HS3ST1: variants seen among roughly 807,000 people sequenced by gnomAD.
HS3ST1 encodes the protein heparan sulfate glucosamine 3-O-sulfotransferase 1.
In HS3ST1, 8 loss-of-function variants were observed where a neutral mutation model predicts 20.7. That is an observed-to-expected ratio of 0.39 (90% CI 0.23 to 0.70). The LOEUF is 0.70. HS3ST1 is among the 30% of genes least tolerant of loss of function. The probability of loss-of-function intolerance (pLI) is 0.46; values close to 1 mark genes in which losing one functional copy is unlikely to be tolerated. For synonymous variants in HS3ST1, 205 were observed against 190.4 expected (o/e 1.08, Z -0.63); for missense variants, 436 against 423.4 (o/e 1.03, Z -0.26).
Position 11,398,878 on chromosome 4 carries a change from A to G in HS3ST1, c.*204T>C, listed in dbSNP as rs1718220467. ...ATATTACACAATGTTAACAACCATG[A>G]AAAACAATACAAAATGCCCTCCATT... is the stretch of plus-strand genomic sequence containing the variant. On this transcript the variant is annotated 3_prime_UTR_variant, in exon 2 of 2. Transcript: ENST00000002596. 2.0e-6 allele frequency: 1 copy of G among 507,126 alleles called. No homozygotes were observed. The highest frequency in any genetic ancestry group is 3.2e-5 in the East Asian group (1 of 31,142). The allele number at this position is 507,126 out of a possible 1,614,324, so 31.4% of individuals were successfully genotyped here.
chr4:11,400,128 G>A lies in HS3ST1; in HGVS notation c.-108-15C>T. 7.0e-7 allele frequency: 1 copy of A among 1,426,140 alleles called. No individual in the cohort carries two copies. The highest frequency in any genetic ancestry group is 9.1e-7 in the Non-Finnish European group (1 of 1,094,296). 88.3% of individuals were successfully genotyped at this position (1,426,140 alleles called of 1,614,324 possible). ...GCCTTCAATTACTAGGGAACAAAAA[G>A]GGAAGATATTAACATATAACAAATA... On this transcript the variant is annotated splice_polypyrimidine_tract_variant and intron_variant, in intron 1 of 1. Coordinates refer to ENST00000002596, the MANE Select transcript of HS3ST1 (RefSeq NM_005114.4).
chr4:11,427,049 G>T (rs1719078261), intron 1 of HS3ST1, among the ~76,000 whole-genome samples: 1 of 151,778 alleles, frequency 6.6e-6, no homozygotes, highest in African/African-American at 2.4e-5. Flanking sequence ...CAAAGGATGC[G>T]CTTTGCTTTA....
chr4:11,419,260 G>T (rs1168561239), intron 1 of HS3ST1, among the ~76,000 whole-genome samples: 2 of 151,566 alleles, frequency 1.3e-5, no homozygotes, highest in African/African-American at 4.9e-5. Flanking sequence ...CTACATTGCT[G>T]CATCTCATTG....
intron 1 of HS3ST1, among the ~76,000 whole-genome samples, chr4:11,410,985 C>T (rs1577441939): frequency 6.6e-6 from 1 of 152,288 alleles, no homozygotes; most frequent in Admixed American, 6.5e-5. Flanking sequence ...TAAATCTCAG[C>T]AGTGTCACTT....
At position 11,423,033 on chromosome 4, in the gene HS3ST1, A is replaced by AAAG. The variant is rs1474802135; in HGVS notation, c.-109+5665_-109+5666insCTT. On this transcript the variant is annotated intron_variant, in intron 1 of 1. Transcript: ENST00000002596. ...AGCGAGACACCGTCAAAAAAAAAAAAAAAAAAAAAAAAAAAAGTGCTGAAC... is the reference window on the plus strand; with the variant it reads ...AGCGAGACACCGTCAAAAAAAAAAAAAAGAAAAAAAAAAAAAAAAGTGCTGAAC... Among the ~76,000 whole-genome samples, 88 of 149,562 alleles carry AAAG rather than the reference A, an allele frequency of 5.9e-4. 2 individuals are homozygous for AAAG. The highest frequency in any genetic ancestry group is 2.1e-3 in the African/African-American group (85 of 40,990).
chr4:11,420,545 T>G (rs1280955327), intron 1 of HS3ST1, among the ~76,000 whole-genome samples: 1 of 152,234 alleles, frequency 6.6e-6, no homozygotes, highest in Non-Finnish European at 1.5e-5. Flanking sequence ...AGTAACGAGC[T>G]TGGAGCAATG....
At chr4:11,404,284 A>G (rs760200991) in intron 1 of HS3ST1, among the ~76,000 whole-genome samples, 3 of 152,214 alleles carry the variant, frequency 2.0e-5, no homozygotes, top group Non-Finnish European at 4.4e-5. Flanking sequence ...TCCTGACCTC[A>G]AGTGATCCAC....
intron 1 of HS3ST1, among the ~76,000 whole-genome samples, chr4:11,406,232 C>T (rs1577439074): frequency 6.6e-6 from 1 of 152,188 alleles, no homozygotes; most frequent in African/African-American, 2.4e-5. Flanking sequence ...GGTGGTTGTT[C>T]TCATTTTATT....
rs941580676 is a variant in HS3ST1 at position 11,393,449 on chromosome 4, C to G, written c.*5633G>C. On this transcript the variant is annotated 3_prime_UTR_variant, in exon 2 of 2. Coordinates refer to ENST00000002596, the MANE Select transcript of HS3ST1 (RefSeq NM_005114.4). ...AATTCTAATAACTCCGTGGGTTGATCACGTTATACATGTAAAATACAGAGA... is the reference window on the plus strand; with the variant it reads ...AATTCTAATAACTCCGTGGGTTGATGACGTTATACATGTAAAATACAGAGA... 6 of 152,142 alleles carry G rather than the reference C, an allele frequency of 3.9e-5. No homozygotes were observed. The highest frequency in any genetic ancestry group is 8.8e-5 in the Non-Finnish European group (6 of 68,032). 9.4% of individuals were successfully genotyped at this position (152,142 alleles called of 1,614,324 possible).
chr4:11,424,150 G>A (rs186262667), intron 1 of HS3ST1, among the ~76,000 whole-genome samples: 39 of 152,122 alleles, frequency 2.6e-4, no homozygotes, highest in Non-Finnish European at 5.0e-4. Flanking sequence ...CAGGCACAGG[G>A]CCCAAGTCCT....
chr4:11,405,401 A>C (rs1237638233), intron 1 of HS3ST1, among the ~76,000 whole-genome samples: 1 of 152,206 alleles, frequency 6.6e-6, no homozygotes, highest in South Asian at 2.1e-4. Context: ...GAGATTCCAC[A>C]GAATCTTCCA....
intron 1 of HS3ST1, among the ~76,000 whole-genome samples, chr4:11,420,161 CAGGAACTGGT>C (rs1718892031): frequency 6.6e-6 from 1 of 152,204 alleles, no homozygotes; most frequent in Admixed American, 6.5e-5. Context: ...TTACACGCAA[CAGGAACTGGT>C]TATTTTGGCA....
At chr4:11,412,167 G>A (rs1238491373) in intron 1 of HS3ST1, among the ~76,000 whole-genome samples, 1 of 152,112 alleles carries the variant, frequency 6.6e-6, no homozygotes, top group Non-Finnish European at 1.5e-5. Flanking sequence ...TTCTTTGCTC[G>A]AAAGGGCCAA....
At chr4:11,411,144 G>C (rs769509663) in intron 1 of HS3ST1, among the ~76,000 whole-genome samples, 1 of 152,120 alleles carries the variant, frequency 6.6e-6, no homozygotes, top group Non-Finnish European at 1.5e-5. Flanking sequence ...ACATTTAAGA[G>C]AGTGCTTAGT....
intron 1 of HS3ST1, among the ~76,000 whole-genome samples, chr4:11,427,737 C>CCT (rs1719097156): frequency 1.3e-5 from 2 of 152,146 alleles, no homozygotes; most frequent in African/African-American, 4.8e-5. Flanking sequence ...ACCTATAGCG[C>CCT]CTATAACTGC....
At chr4:11,412,598 C>G (rs573192153) in intron 1 of HS3ST1, among the ~76,000 whole-genome samples, 27 of 152,250 alleles carry the variant, frequency 1.8e-4, no homozygotes, top group African/African-American at 6.3e-4. Flanking sequence ...GGGAAGAATA[C>G]AGCCTTTAGT....
In HS3ST1 at chr4:11,424,860, C is replaced by CAAAA. The variant is rs3070505; in HGVS notation, c.-109+3835_-109+3838dup. Among the ~76,000 whole-genome samples the CAAAA allele has an allele frequency of 3.4e-5, 5 of 145,140 alleles. No homozygotes were observed. In the East Asian group the frequency reaches 8.1e-4, roughly 23 times the overall value. ...CAAGGAGAAAGAGGCCCATCTCCCA[C>CAAAA]AAAAAAAAAAAAAAATCCTTCTATG... On this transcript the variant is annotated intron_variant, in intron 1 of 1. Coordinates refer to ENST00000002596, the MANE Select transcript of HS3ST1 (RefSeq NM_005114.4).
intron 1 of HS3ST1, among the ~76,000 whole-genome samples, chr4:11,403,769 A>G (rs576638020): frequency 1.2e-4 from 19 of 152,290 alleles, no homozygotes; most frequent in South Asian, 8.3e-4. Flanking sequence ...GAAGGGTCCA[A>G]ATGAATTGCA....
At chr4:11,421,970 CGA>C (rs1304924456) in intron 1 of HS3ST1, among the ~76,000 whole-genome samples, 1 of 152,124 alleles carries the variant, frequency 6.6e-6, no homozygotes, top group African/African-American at 2.4e-5. Flanking sequence ...GGACTGGGTA[CGA>C]GAGATAAAGG....
Sources: gnomAD v4.1 joint callset for allele counts (sites outside exome capture counted in the v4.1 genomes callset) on GRCh38, gnomAD v4.1.1 for gene constraint, MANE v1.5 for transcripts, NCBI Gene and HGNC (gene_info 2026-07-23, HGNC 2026-07-21) for gene names.